AP3B1: variants seen among roughly 807,000 people sequenced by gnomAD.
The protein encoded by AP3B1 is AP-3 complex subunit beta-1.
Under a neutral mutation model 132.5 loss-of-function variants are expected in AP3B1, and 61 were observed. The ratio of observed to expected loss-of-function variants is 0.46; its 90% confidence interval spans 0.37 to 0.57. The LOEUF is 0.57. Among genes scored for constraint, AP3B1 ranks in the 20% least tolerant of loss-of-function variants. The pLI is 0.00. For missense variants in AP3B1, 1,120 were observed against 1,289.4 expected, an observed-to-expected ratio of 0.87 and a Z score of 2.01; for synonymous variants, 388 against 438.3, an observed-to-expected ratio of 0.89 and a Z score of 1.43.
chr5:78,009,370 C>T (rs942327859), intron 26 of AP3B1, among the ~76,000 whole-genome samples: 1 of 151,204 alleles, frequency 6.6e-6, no homozygotes, highest in African/African-American at 2.4e-5. Flanking sequence ...TGAGACAAGA[C>T]GATTGCCTGG....
Position 78,101,078 on chromosome 5 carries a change from G to A in AP3B1, c.2398-53C>T, listed in dbSNP as rs1309193332. 4.4e-6 allele frequency: 5 copies of A among 1,126,526 alleles called. No homozygotes were observed. The African/African-American group carries it at 4.7e-5, about 11-fold the overall frequency. The allele number at this position is 1,126,526 out of a possible 1,614,324, so 69.8% of individuals were successfully genotyped here. ...CACACGTTCTGTTTTAAAAATCTGT[G>A]GAGTAGTCCTTAATATTCCAAAACA... On this transcript the variant is annotated intron_variant, in intron 20 of 26. Transcript: ENST00000255194.
chr5:78,233,710 C>T (rs896296752), intron 3 of AP3B1, among the ~76,000 whole-genome samples: 1 of 152,152 alleles, frequency 6.6e-6, no homozygotes, highest in African/African-American at 2.4e-5. Flanking sequence ...TTATATTACT[C>T]GTTTAATTCT....
chr5:78,186,418 G>A (rs1199067621), intron 7 of AP3B1, among the ~76,000 whole-genome samples: 2 of 152,168 alleles, frequency 1.3e-5, no homozygotes, highest in Non-Finnish European at 2.9e-5. Flanking sequence ...AGTTGCCAGG[G>A]GTTAAGGGTT....
intron 15 of AP3B1, 35 bp from the exon 16 acceptor site, chr5:78,129,342 G>A: frequency 6.7e-7 from 1 of 1,493,228 alleles, no homozygotes; most frequent in East Asian, 2.3e-5. Context: ...TGAGAATACA[G>A]TTATTTATGA....
chr5:78,230,303 A>C (rs201667931), intron 3 of AP3B1, among the ~76,000 whole-genome samples: 2 of 152,226 alleles, frequency 1.3e-5, no homozygotes, highest in East Asian at 3.8e-4. Flanking sequence ...TTTATAATCC[A>C]AACTATTTCT....
rs1328139762 is a variant in AP3B1, at chr5:78,162,862, G to A, written c.1320C>T (p.Asp440=). 2 of 1,614,014 alleles carry A rather than the reference G, an allele frequency of 1.2e-6. No homozygotes were observed. Among genetic ancestry groups the A allele is most frequent in the Non-Finnish European group, 1.7e-6 (2 of 1,179,890 alleles). The change falls in exon 13 of 27, where the codon GAC becomes GAT. Residue 440 remains aspartate, a synonymous_variant. Coordinates refer to ENST00000255194, the MANE Select transcript of AP3B1 (RefSeq NM_003664.5). ...RCATNILEVT[D]TCLNGLVCLL... ...GACAGACCAAGCCATTGAGGCACGT[G>A]TCAGTGACTTCCAAGATGTTGGTTG...
chr5:78,179,683 C>T (rs1210781359), intron 8 of AP3B1, among the ~76,000 whole-genome samples: 4 of 152,124 alleles, frequency 2.6e-5, no homozygotes, highest in Non-Finnish European at 4.4e-5. Context: ...CCTAACATTC[C>T]GCTTTCAGTA....
chr5:78,211,919 A>G (rs559415947), intron 7 of AP3B1, among the ~76,000 whole-genome samples: 1 of 152,366 alleles, frequency 6.6e-6, no homozygotes, highest in Middle Eastern at 3.4e-3. Flanking sequence ...ATCTGTATAT[A>G]TCAATTTCTT....
At chr5:78,293,200 G>C (rs528224270) in intron 1 of AP3B1, among the ~76,000 whole-genome samples, 1 of 152,248 alleles carries the variant, frequency 6.6e-6, no homozygotes, top group East Asian at 1.9e-4. Context: ...AAAAATCTAA[G>C]AGAAAACATC....
chr5:78,079,250 T>G (rs1303224856), intron 22 of AP3B1, among the ~76,000 whole-genome samples: 1 of 152,218 alleles, frequency 6.6e-6, no homozygotes, highest in Non-Finnish European at 1.5e-5. Flanking sequence ...GGTTGAAATA[T>G]TTCTATTTCA....
intron 3 of AP3B1, among the ~76,000 whole-genome samples, chr5:78,233,997 AAAG>A (rs1182558606): frequency 6.6e-6 from 1 of 152,152 alleles, no homozygotes; most frequent in African/African-American, 2.4e-5. Context: ...TACATTTATA[AAAG>A]AAGAATGCTT....
At chr5:78,106,853 T>C (rs76446225) in intron 20 of AP3B1, among the ~76,000 whole-genome samples, 3 of 152,328 alleles carry the variant, frequency 2.0e-5, no homozygotes, top group East Asian at 1.9e-4. Flanking sequence ...TGGTAGAGCA[T>C]GTCTTTTGAT....
intron 26 of AP3B1, among the ~76,000 whole-genome samples, chr5:78,006,669 A>AT (rs1403783044): frequency 2.6e-5 from 4 of 152,214 alleles, no homozygotes; most frequent in African/African-American, 9.6e-5. Context: ...ATGAGAACAA[A>AT]TAAGTGCGAT....
At chr5:78,040,675 T>G (rs1350796052) in intron 22 of AP3B1, among the ~76,000 whole-genome samples, 4 of 149,500 alleles carry the variant, frequency 2.7e-5, no homozygotes, top group Non-Finnish European at 6.0e-5. Flanking sequence ...GGGCAAGCAT[T>G]AAAAAAAAAA....
intron 15 of AP3B1, among the ~76,000 whole-genome samples, chr5:78,136,090 G>GT (rs145864495): frequency 0.015 from 2,248 of 151,932 alleles, 58 homozygotes; most frequent in African/African-American, 0.051. Flanking sequence ...CAAATCAGTA[G>GT]TTTTTTTTCC....
chr5:78,271,893 C>T (rs772297567), intron 1 of AP3B1, among the ~76,000 whole-genome samples: 4 of 152,132 alleles, frequency 2.6e-5, no homozygotes, highest in Admixed American at 6.5e-5. Context: ...TTGAACCGGC[C>T]CTGCAAAGCA....
chr5:78,263,686 T>C (rs1246440715), intron 2 of AP3B1, among the ~76,000 whole-genome samples: 1 of 152,224 alleles, frequency 6.6e-6, no homozygotes. Flanking sequence ...CCTAGTTTGT[T>C]GAGTACTTTT....
intron 13 of AP3B1, among the ~76,000 whole-genome samples, chr5:78,157,550 AC>A (rs2112359433): frequency 6.6e-6 from 1 of 152,230 alleles, no homozygotes; most frequent in East Asian, 1.9e-4. Context: ...AACATAACTC[AC>A]CTGAGAACCT....
At position 78,227,404 on chromosome 5, in the gene AP3B1, C is replaced by A; in HGVS notation, c.504G>T (p.Lys168Asn). ...ATTTTTGTATTGCATGGGCTGCATT[C>A]TTCCTAACATATGGTGATAAGTCAG... ...ASADLSPYVR[K>N]NAAHAIQKLY... The change falls in exon 5 of 27, where the codon AAG becomes AAT. Residue 168 changes from lysine (K) to asparagine (N), a missense_variant. Lys to Asn is a moderately conservative substitution (Grantham distance 94). Around this residue, in one of 3 missense-constraint regions of AP3B1, gnomAD observed 129 missense variants for 212.4 expected, o/e 0.61. Transcript: ENST00000255194. 2 of 1,613,702 alleles carry A rather than the reference C, an allele frequency of 1.2e-6. No individual in the cohort carries two copies.
Sources: allele counts gnomAD v4.1 joint callset (sites outside exome capture counted in the v4.1 genomes callset), GRCh38; gene constraint gnomAD v4.1.1; regional missense constraint gnomAD v4.1.1; transcripts MANE v1.5; gene names NCBI Gene and HGNC (gene_info 2026-07-23, HGNC 2026-07-21).